BTLA: variants seen among roughly 807,000 people sequenced by gnomAD.
The protein encoded by BTLA is B- and T-lymphocyte attenuator.
Under a neutral mutation model 25.0 loss-of-function variants are expected in BTLA, and 11 were observed. The observed-to-expected ratio is 0.44, with a 90% CI of 0.28 to 0.73. The LOEUF (loss-of-function observed/expected upper bound fraction) is 0.73. Among genes scored for constraint, BTLA ranks in the 30% least tolerant of loss-of-function variants. The probability of loss-of-function intolerance (pLI) is 0.15; values close to 1 mark genes in which losing one functional copy is unlikely to be tolerated. For missense variants in BTLA, 282 were observed against 332.8 expected, an observed-to-expected ratio of 0.85 and a Z score of 1.19; for synonymous variants, 104 against 119.8, an observed-to-expected ratio of 0.87 and a Z score of 0.86.
chr3:112,488,464 C>A (rs191497873), intron 1 of BTLA, among the ~76,000 whole-genome samples: 1 of 152,136 alleles, frequency 6.6e-6, no homozygotes, highest in Non-Finnish European at 1.5e-5. Context: ...CCTCGTGATC[C>A]GCCCGCCTCG....
chr3:112,473,737 C>T (rs2082275230), intron 2 of BTLA, among the ~76,000 whole-genome samples: 1 of 150,882 alleles, frequency 6.6e-6, no homozygotes, highest in Non-Finnish European at 1.5e-5. Context: ...GCTTCAGCCT[C>T]CTGAGTAGTT....
At chr3:112,484,348 C>T (rs142982999) in intron 1 of BTLA, among the ~76,000 whole-genome samples, 78 of 152,252 alleles carry the variant, frequency 5.1e-4, no homozygotes, top group Non-Finnish European at 9.6e-4. Context: ...ATAAAGGGCA[C>T]GGAAATAGCT....
intron 1 of BTLA, among the ~76,000 whole-genome samples, chr3:112,482,291 A>G (rs991025262): frequency 6.6e-6 from 1 of 152,210 alleles, no homozygotes; most frequent in South Asian, 2.1e-4. Flanking sequence ...ATAGATGTAC[A>G]GTATCATACA....
At chr3:112,476,402 T>C (rs1177378989) in intron 2 of BTLA, among the ~76,000 whole-genome samples, 1 of 152,138 alleles carries the variant, frequency 6.6e-6, no homozygotes, top group Non-Finnish European at 1.5e-5. Context: ...TTTAAGGGAG[T>C]TGAAAGACAC....
chr3:112,477,301 G>A (rs768970472), intron 2 of BTLA, among the ~76,000 whole-genome samples: 1 of 151,796 alleles, frequency 6.6e-6, no homozygotes, highest in Non-Finnish European at 1.5e-5. Context: ...ATTCTCCTCA[G>A]CAATGGATAG....
At chr3:112,477,364 T>TTTTTTTATTC (rs1382412581) in intron 2 of BTLA, among the ~76,000 whole-genome samples, 3 of 152,004 alleles carry the variant, frequency 2.0e-5, no homozygotes, top group Admixed American at 2.0e-4. Context: ...TGTGTTTTTT[T>TTTTTTTATTC]TTTTTATTCT....
chr3:112,473,386 A>G (rs1186295325), intron 2 of BTLA, among the ~76,000 whole-genome samples: 1 of 152,028 alleles, frequency 6.6e-6, no homozygotes, highest in African/African-American at 2.4e-5. Flanking sequence ...ATACAACGCA[A>G]TCTTTGTCTG....
rs1187488581 is a variant in BTLA at position 112,466,143 on chromosome 3, G to A, written c.835C>T (p.Pro279Ser). 1.2e-6 allele frequency: 2 copies of A among 1,608,444 alleles called. No individual in the cohort carries two copies. Among genetic ancestry groups the A allele is most frequent in the Admixed American group, 1.7e-5 (1 of 59,864 alleles). The stretch of plus-strand genomic sequence containing the variant: ...ACACATATGGATGCATATTCTGTTG[G>A]TGCTTCTTTTACATTTCTTGCCAGT... ...SRLARNVKEAPTEYASICVRS is the reference protein window; with the variant it reads ...SRLARNVKEASTEYASICVRS The change falls in exon 5 of 5, where the codon CCA (proline) becomes TCA (serine). Residue 279 changes from proline (P) to serine (S), a missense_variant. By Grantham distance (74) the Pro-to-Ser change is moderately conservative. Coordinates refer to ENST00000334529, the MANE Select transcript of BTLA (RefSeq NM_181780.4).
Position 112,466,345 on chromosome 3 carries a change from G to C in BTLA, c.633C>G (p.Ser211Arg). 6.2e-7 allele frequency: 1 copy of C among 1,612,672 alleles called. No homozygotes were observed. Residue 211 changes from serine to arginine, a missense_variant, in exon 5 of 5, where the codon AGC becomes AGG. Physicochemically the swap from Ser to Arg is moderately radical, Grantham distance 110 (BLOSUM62 -1). Coordinates refer to ENST00000334529, the MANE Select transcript of BTLA (RefSeq NM_181780.4). ...AHLKSEQTEA[S>R]TRQNSQVLLS... The stretch of plus-strand genomic sequence containing the variant: ...GCAGTACTTGGGAATTTTGCCTGGT[G>C]CTTGCTTCTGTTTGCTCACTCTTAA...
chr3:112,485,539 A>G (rs1291119148), intron 1 of BTLA, among the ~76,000 whole-genome samples: 3 of 152,074 alleles, frequency 2.0e-5, no homozygotes, highest in Non-Finnish European at 1.5e-5. Context: ...TCAACTTCCA[A>G]TTATCAGTTA....
intron 2 of BTLA, among the ~76,000 whole-genome samples, chr3:112,474,609 A>T (rs1178985761): frequency 6.6e-6 from 1 of 152,236 alleles, no homozygotes; most frequent in Admixed American, 6.5e-5. Flanking sequence ...AAAGGAAATG[A>T]TAAATGAGAG....
chr3:112,486,460 A>C (rs917133845), intron 1 of BTLA, among the ~76,000 whole-genome samples: 24 of 152,334 alleles, frequency 1.6e-4, no homozygotes, highest in African/African-American at 5.5e-4. Context: ...AAATGAAAAA[A>C]TGTTTTAAAA....
chr3:112,491,498 T>G (rs952415995), intron 1 of BTLA, among the ~76,000 whole-genome samples: 1 of 152,114 alleles, frequency 6.6e-6, no homozygotes, highest in Non-Finnish European at 1.5e-5. Context: ...AACTGGGTAT[T>G]AGAGAATATA....
chr3:112,479,643 C>T lies in BTLA; in HGVS notation c.215G>A (p.Cys72Tyr), dbSNP rs2082307021. The T allele has an allele frequency of 6.2e-7, 1 of 1,614,128 alleles. No individual in the cohort carries two copies. Among genetic ancestry groups the T allele is most frequent in the African/African-American group, 1.3e-5 (1 of 75,032 alleles). ...TACACATGTTGTTCCATTGAGCTTG[C>T]ACCAAGTCACATGAGGCCTGTTAGC... ...YCANRPHVTWCKLNGTTCVKL... is the reference protein window; with the variant it reads ...YCANRPHVTWYKLNGTTCVKL... The change falls in exon 2 of 5, where the codon TGC becomes TAC. Residue 72 changes from cysteine to tyrosine, a missense_variant. Cys to Tyr is a radical substitution (Grantham distance 194, BLOSUM62 -2). This residue lies in a region of BTLA where 163 missense variants were observed against 230.4 expected (regional missense o/e 0.71). Coordinates refer to ENST00000334529, the MANE Select transcript of BTLA (RefSeq NM_181780.4).
chr3:112,483,875 G>T (rs970527102), intron 1 of BTLA, among the ~76,000 whole-genome samples: 1 of 152,070 alleles, frequency 6.6e-6, no homozygotes, highest in African/African-American at 2.4e-5. Context: ...GGCTGAGGCA[G>T]GAGAATTGCT....
In BTLA at chr3:112,464,054, A is replaced by G; in HGVS notation, c.*2054T>C. The stretch of plus-strand genomic sequence containing the variant: ...TGTGAAAAACCATTAAATTATCTAC[A>G]TATTCTTTTTCTCAAACCCTCTATA... On this transcript the variant is annotated 3_prime_UTR_variant, in exon 5 of 5. Coordinates refer to ENST00000334529, the MANE Select transcript of BTLA (RefSeq NM_181780.4). 5.0e-6 allele frequency: 2 copies of G among 397,406 alleles called. No homozygotes were observed. The highest frequency in any genetic ancestry group is 8.9e-6 in the Non-Finnish European group (2 of 225,324). 24.6% of individuals were successfully genotyped at this position (397,406 alleles called of 1,614,324 possible). A position where few individuals can be genotyped will look rare whatever the true frequency, so the allele number is the denominator to read the frequency against.
At chr3:112,468,224 G>A (rs1194532080) in intron 4 of BTLA, among the ~76,000 whole-genome samples, 1 of 152,166 alleles carries the variant, frequency 6.6e-6, no homozygotes, top group African/African-American at 2.4e-5. Context: ...ACAATTCAGT[G>A]GTTTTTATTA....
chr3:112,490,729 TA>T (rs202080718), intron 1 of BTLA, among the ~76,000 whole-genome samples: 1 of 3,142 alleles, frequency 3.2e-4, no homozygotes, highest in South Asian at 0.033. Flanking sequence ...GCCCATTATT[TA>T]AAAAAAAAAA....
intron 1 of BTLA, among the ~76,000 whole-genome samples, chr3:112,488,227 T>TC (rs2082359192): frequency 2.0e-5 from 1 of 50,296 alleles, no homozygotes; most frequent in South Asian, 1.0e-3. Flanking sequence ...TTTTCTTTTT[T>TC]CTTTTTTTTT....
Sources: gnomAD v4.1 joint callset for allele counts (sites outside exome capture counted in the v4.1 genomes callset) on GRCh38, gnomAD v4.1.1 for gene constraint, gnomAD v4.1.1 regional missense constraint, MANE v1.5 for transcripts, NCBI Gene and HGNC (gene_info 2026-07-23, HGNC 2026-07-21) for gene names.